Variants in PRELID2 observed in about 807,000 individuals in gnomAD.
PRELID2 encodes the protein PRELI domain-containing protein 2.
A neutral mutation model predicts 28.4 loss-of-function variants in PRELID2; 25 were observed. That is an observed-to-expected ratio of 0.88 (90% confidence interval 0.64 to 1.23). The LOEUF (loss-of-function observed/expected upper bound fraction) is 1.23. PRELID2 is among the 50% of genes most tolerant of loss of function. The pLI, the probability that PRELID2 is intolerant of heterozygous loss-of-function variation, is 0.00. For missense variants in PRELID2, 201 were observed against 214.4 expected (o/e 0.94, Z 0.39); for synonymous variants, 76 against 71.6 (o/e 1.06, Z -0.31).
rs116757384 is a variant in PRELID2 at position 145,576,495 on chromosome 5, T to C, written n.71-103180A>G. ...AATATGTTATTGTACAGACATACCATATTTTATTTATCCACTCCTTACTTG... is the reference window on the plus strand; with the variant it reads ...AATATGTTATTGTACAGACATACCACATTTTATTTATCCACTCCTTACTTG... On this transcript the variant is annotated intron_variant and non_coding_transcript_variant, in intron 1 of 2. Coordinates refer to the PRELID2 transcript ENST00000510259. Among the ~76,000 whole-genome samples the C allele has an allele frequency of 5.9e-3, 903 of 152,276 alleles. 12 individuals carry two copies. Among genetic ancestry groups the C allele is most frequent in the African/African-American group, 0.02 (837 of 41,566 alleles).
the PRELID2 span, among the ~76,000 whole-genome samples, chr5:145,333,220 GTGTC>G: frequency 6.6e-6 from 1 of 152,156 alleles, no homozygotes; most frequent in African/African-American, 2.4e-5. Context: ...CTGCTGGGAG[GTGTC>G]TCCCAGTCAG....
intron 1 of PRELID2, among the ~76,000 whole-genome samples, chr5:145,681,056 G>T (rs982042398): frequency 1.3e-5 from 2 of 152,214 alleles, no homozygotes. Context: ...GGATGCTTCT[G>T]TCTGCTTCGG....
chr5:145,467,357 A>G (rs1752011383), downstream of PRELID2, among the ~76,000 whole-genome samples: 1 of 152,124 alleles, frequency 6.6e-6, no homozygotes, highest in Non-Finnish European at 1.5e-5. Flanking sequence ...GTCCAGTCAT[A>G]AAACGACAAC....
chr5:145,615,352 G>A lies in PRELID2; in HGVS notation n.71-142037C>T, dbSNP rs573722939. On this transcript the variant is annotated intron_variant and non_coding_transcript_variant, in intron 1 of 2. Transcript: ENST00000510259. ...GTTTTTTTTTTTTTTTTTTGAGACGGAGTCTCGCTGTCGCCCAGGCTGGAG... is the reference window on the plus strand; with the variant it reads ...GTTTTTTTTTTTTTTTTTTGAGACGAAGTCTCGCTGTCGCCCAGGCTGGAG... Among the ~76,000 whole-genome samples, 8 of 104,746 alleles carry A rather than the reference G, an allele frequency of 7.6e-5. 2 individuals are homozygous for A. Among genetic ancestry groups the A allele is most frequent in the African/African-American group, 3.4e-4 (7 of 20,772 alleles). The allele number at this position is 104,746 out of a possible 152,430, so 68.7% of individuals were successfully genotyped here. A position where few individuals can be genotyped will look rare whatever the true frequency, so the allele number is the denominator to read the frequency against.
the PRELID2 span, among the ~76,000 whole-genome samples, chr5:145,273,134 G>A: frequency 1.3e-5 from 2 of 152,108 alleles, no homozygotes; most frequent in African/African-American, 4.8e-5. Flanking sequence ...CAGAGTTCGG[G>A]CACATAATTA....
intron 1 of PRELID2, among the ~76,000 whole-genome samples, chr5:145,708,333 A>G (rs1240993673): frequency 6.6e-6 from 1 of 152,128 alleles, no homozygotes; most frequent in Non-Finnish European, 1.5e-5. Flanking sequence ...TCTAACTCTT[A>G]TTATTGGCTG....
chr5:145,396,431 C>A, the PRELID2 span, among the ~76,000 whole-genome samples: 1 of 149,186 alleles, frequency 6.7e-6, no homozygotes. Context: ...GCCTGTGAAC[C>A]AAAGGTGTCC....
chr5:145,299,080 C>G, the PRELID2 span, among the ~76,000 whole-genome samples: 4 of 151,966 alleles, frequency 2.6e-5, no homozygotes, highest in African/African-American at 9.7e-5. Context: ...ATAATTAACT[C>G]CCAAATACTC....
At chr5:145,644,567 T>G (rs76073196) in intron 1 of PRELID2, among the ~76,000 whole-genome samples, 307 of 152,226 alleles carry the variant, frequency 2.0e-3, no homozygotes, top group African/African-American at 6.9e-3. Flanking sequence ...GCTTTTGAAT[T>G]TGTTTGCTCT....
intron 1 of PRELID2, among the ~76,000 whole-genome samples, chr5:145,640,196 T>A (rs988120368): frequency 2.0e-5 from 3 of 152,092 alleles, no homozygotes; most frequent in Non-Finnish European, 2.9e-5. Flanking sequence ...TACAAAAAAA[T>A]TGGCCGGCGG....
At chr5:145,393,601 G>A in the PRELID2 span, among the ~76,000 whole-genome samples, 112 of 152,264 alleles carry the variant, frequency 7.4e-4, no homozygotes, top group South Asian at 6.4e-3. Context: ...GACAGCTGGC[G>A]TTTGCCTTAT....
chr5:145,822,622 A>G (rs776358528), intron 2 of PRELID2, among the ~76,000 whole-genome samples: 1 of 152,220 alleles, frequency 6.6e-6, no homozygotes, highest in Non-Finnish European at 1.5e-5. Context: ...ACAAAATGAT[A>G]TAATAGGCTA....
At chr5:145,550,335 G>A (rs576683822) in intron 1 of PRELID2, among the ~76,000 whole-genome samples, 8 of 152,264 alleles carry the variant, frequency 5.3e-5, no homozygotes, top group Admixed American at 5.2e-4. Flanking sequence ...AATGAAGTCT[G>A]GAGTTTACCA....
chr5:145,519,955 C>T (rs989762310), intron 1 of PRELID2, among the ~76,000 whole-genome samples: 10 of 152,188 alleles, frequency 6.6e-5, no homozygotes, highest in African/African-American at 2.4e-4. Flanking sequence ...CATACTTATG[C>T]TCTTTGTAAT....
rs144339351 is a variant in PRELID2, at chr5:145,503,414, C to T, written n.71-30099G>A. 2.3e-3 allele frequency among the ~76,000 whole-genome samples: 356 copies of T among 152,206 alleles called. 1 individual carries two copies. Among genetic ancestry groups the T allele is most frequent in the African/African-American group, 8.0e-3 (333 of 41,530 alleles). On this transcript the variant is annotated intron_variant and non_coding_transcript_variant, in intron 1 of 2. Transcript: ENST00000510259. ...AAAAACAAATATTTGGACCACAGAA[C>T]GTGATATCAGTGTTCAGACGTTTAA...
At chr5:145,391,954 T>C in the PRELID2 span, among the ~76,000 whole-genome samples, 351 of 152,302 alleles carry the variant, frequency 2.3e-3, 2 homozygotes, top group African/African-American at 7.6e-3. Context: ...TCATTGTCCA[T>C]ATCACTATCA....
At chr5:145,387,902 G>A in the PRELID2 span, among the ~76,000 whole-genome samples, 4 of 149,514 alleles carry the variant, frequency 2.7e-5, no homozygotes, top group East Asian at 7.8e-4. Flanking sequence ...CTCCAGCCTA[G>A]GCAAGAGAGA....
At chr5:145,491,484 T>C (rs1752268079) in intron 1 of PRELID2, among the ~76,000 whole-genome samples, 1 of 152,170 alleles carries the variant, frequency 6.6e-6, no homozygotes, top group African/African-American at 2.4e-5. Context: ...TATATGAACA[T>C]TGTGGAATGA....
chr5:145,688,764 T>C (rs1368434), intron 1 of PRELID2, among the ~76,000 whole-genome samples: 108,746 of 152,082 alleles, frequency 0.72, 40,175 homozygotes, highest in African/African-American at 0.91. Context: ...TTGCAAACGA[T>C]GCAACTATAA....
Sources: allele counts gnomAD v4.1 joint callset (sites outside exome capture counted in the v4.1 genomes callset), GRCh38; gene constraint gnomAD v4.1.1; transcripts MANE v1.5; gene names NCBI Gene and HGNC (gene_info 2026-07-23, HGNC 2026-07-21).